ARL15: variants seen among roughly 807,000 people sequenced by gnomAD.
ARL15 encodes ARF like GTPase 15.
Under a neutral mutation model 25.2 loss-of-function variants are expected in ARL15, and 19 were observed. The ratio of observed to expected loss-of-function variants is 0.75; its 90% confidence interval spans 0.53 to 1.10. The LOEUF (loss-of-function observed/expected upper bound fraction) is 1.10. ARL15 is among the 50% of genes least tolerant of loss of function. ARL15 has a pLI of 0.00. For missense variants in ARL15, 220 were observed against 246.0 expected, an observed-to-expected ratio of 0.89 and a Z score of 0.71; for synonymous variants, 94 against 86.8, an observed-to-expected ratio of 1.08 and a Z score of -0.46.
chr5:54,295,639 A>G (rs1758445939), intron 1 of ARL15, among the ~76,000 whole-genome samples: 2 of 152,254 alleles, frequency 1.3e-5, no homozygotes, highest in Admixed American at 6.5e-5. Context: ...TGAACAATAT[A>G]AAATATACAT....
intron 3 of ARL15, among the ~76,000 whole-genome samples, chr5:54,151,889 C>G (rs1754079748): frequency 6.6e-6 from 1 of 151,640 alleles, no homozygotes; most frequent in South Asian, 2.1e-4. Context: ...GAAGAAGAGC[C>G]TTGGAACTAT....
intron 4 of ARL15, among the ~76,000 whole-genome samples, chr5:53,946,782 A>G (rs1469899511): frequency 6.6e-6 from 1 of 152,206 alleles, no homozygotes; most frequent in Non-Finnish European, 1.5e-5. Flanking sequence ...AAATCCATCC[A>G]TAGTAAAAAG....
intron 4 of ARL15, among the ~76,000 whole-genome samples, chr5:53,898,078 ACTT>A (rs1744931451): frequency 6.6e-6 from 1 of 152,174 alleles, no homozygotes; most frequent in Non-Finnish European, 1.5e-5. Context: ...ATCATTATAA[ACTT>A]CTTCACTGTC....
At chr5:54,086,917 A>G (rs1751978848) in intron 4 of ARL15, among the ~76,000 whole-genome samples, 1 of 152,264 alleles carries the variant, frequency 6.6e-6, no homozygotes, top group Admixed American at 6.5e-5. Flanking sequence ...GAATTTATAT[A>G]TGCAAAGTCA....
chr5:54,157,362 A>G (rs1460945313), intron 2 of ARL15, among the ~76,000 whole-genome samples: 1 of 152,198 alleles, frequency 6.6e-6, no homozygotes, highest in Non-Finnish European at 1.5e-5. Flanking sequence ...TTGACTACTA[A>G]AACGTCTTCA....
At chr5:54,019,973 G>A (rs894468759) in intron 4 of ARL15, among the ~76,000 whole-genome samples, 2 of 152,162 alleles carry the variant, frequency 1.3e-5, no homozygotes, top group Non-Finnish European at 2.9e-5. Flanking sequence ...GTTCTCAAAT[G>A]TGACGCTACA....
chr5:54,060,361 G>A, intron 4 of ARL15, among the ~76,000 whole-genome samples: 1 of 152,182 alleles, frequency 6.6e-6, no homozygotes, highest in East Asian at 1.9e-4. Flanking sequence ...GCGGGACCCA[G>A]GAGGTGGAGG....
chr5:54,160,938 A>G (rs983350877), intron 2 of ARL15, among the ~76,000 whole-genome samples: 2 of 152,174 alleles, frequency 1.3e-5, no homozygotes, highest in African/African-American at 4.8e-5. Context: ...TCAAGACATT[A>G]TAGAGAAATA....
At chr5:54,026,382 A>G (rs538077820) in intron 4 of ARL15, among the ~76,000 whole-genome samples, 50 of 152,036 alleles carry the variant, frequency 3.3e-4, no homozygotes, top group Non-Finnish European at 6.3e-4. Context: ...GATCCTCCCA[A>G]CTCAGCTTCC....
At chr5:54,258,797 C>T (rs2112617018) in intron 1 of ARL15, among the ~76,000 whole-genome samples, 1 of 152,290 alleles carries the variant, frequency 6.6e-6, no homozygotes, top group Non-Finnish European at 1.5e-5. Flanking sequence ...ACATGAAGAT[C>T]ACAGGCCCAA....
intron 1 of ARL15, among the ~76,000 whole-genome samples, chr5:54,217,998 G>A (rs1253448379): frequency 6.6e-6 from 1 of 152,084 alleles, no homozygotes; most frequent in Admixed American, 6.6e-5. Flanking sequence ...AATTAAGACT[G>A]GGAATGAAAT....
At chr5:54,302,683 ATTTTTTTTTTTTTTTT>A (rs372704359) in intron 1 of ARL15, among the ~76,000 whole-genome samples, 4 of 77,850 alleles carry the variant, frequency 5.1e-5, no homozygotes, top group African/African-American at 2.0e-4. Context: ...TAAAATTAAG[ATTTTTTTTTTTTTTTT>A]TTTTTTTTTT....
intron 4 of ARL15, among the ~76,000 whole-genome samples, chr5:53,998,447 G>A (rs940948872): frequency 1.6e-4 from 25 of 151,814 alleles, no homozygotes; most frequent in Admixed American, 1.5e-3. Context: ...TCTTAGCTCC[G>A]CTCAAATTTA....
intron 4 of ARL15, among the ~76,000 whole-genome samples, chr5:54,000,105 T>G (rs697110): frequency 0.31 from 47,199 of 151,922 alleles, 8,901 homozygotes; most frequent in Middle Eastern, 0.46. Flanking sequence ...AAAGCTACAC[T>G]GCAGACTGAT....
At position 54,258,061 on chromosome 5, in the gene ARL15, G is replaced by A. The variant is rs567111533; in HGVS notation, c.48+52371C>T. ...CAACCCATCCAGGCCAGGAGCAGTG[G>A]CTCACGACTGTAATCCCAGCACTGA... is the stretch of plus-strand genomic sequence containing the variant. On this transcript the variant is annotated intron_variant, in intron 1 of 4. Coordinates refer to ENST00000504924, the MANE Select transcript of ARL15 (RefSeq NM_019087.3). Among the ~76,000 whole-genome samples the A allele has an allele frequency of 5.3e-5, 8 of 152,016 alleles. No individual in the cohort carries two copies. In the South Asian group the frequency reaches 1.7e-3, roughly 32 times the overall value.
chr5:54,282,545 G>A, intron 1 of ARL15: 1 of 985,356 alleles, frequency 1.0e-6, no homozygotes. Context: ...GGGACTGTAA[G>A]GCAGATACTT....
At chr5:54,063,825 T>G in intron 4 of ARL15, among the ~76,000 whole-genome samples, 1 of 151,964 alleles carries the variant, frequency 6.6e-6, no homozygotes, top group East Asian at 1.9e-4. Flanking sequence ...ATTTGGGAGG[T>G]GTTTAAAGCT....
At chr5:54,219,167 T>C (rs1200844885) in intron 1 of ARL15, among the ~76,000 whole-genome samples, 3 of 152,158 alleles carry the variant, frequency 2.0e-5, no homozygotes, top group Non-Finnish European at 2.9e-5. Context: ...CACTTATTAA[T>C]TAAAAGCAGC....
At chr5:54,177,889 AT>A (rs2112419359) in intron 1 of ARL15, among the ~76,000 whole-genome samples, 1 of 152,272 alleles carries the variant, frequency 6.6e-6, no homozygotes, top group South Asian at 2.1e-4. Flanking sequence ...GAAGTGTTCA[AT>A]TCCCTCAGAG....
Sources: allele counts gnomAD v4.1 joint callset (sites outside exome capture counted in the v4.1 genomes callset), GRCh38; gene constraint gnomAD v4.1.1; transcripts MANE v1.5; gene names NCBI Gene and HGNC (gene_info 2026-07-23, HGNC 2026-07-21).